Variants in MON2 observed in about 807,000 individuals in gnomAD.
MON2 encodes MON2 regulator of endosome-to-Golgi trafficking.
Under a neutral mutation model 208.6 loss-of-function variants are expected in MON2, and 84 were observed. The ratio of observed to expected loss-of-function variants is 0.40; its 90% CI spans 0.34 to 0.48. The LOEUF (loss-of-function observed/expected upper bound fraction) is 0.48, where lower values mean the gene tolerates loss of function less well. Ranked by LOEUF, MON2 falls within the 20% of genes least tolerant of loss-of-function variation. The pLI, the probability that MON2 is intolerant of heterozygous loss-of-function variation, is 0.59. For missense variants in MON2, 1,611 were observed against 2,015.4 expected (o/e 0.80, Z 3.84); for synonymous variants, 660 against 694.0 (o/e 0.95, Z 0.77).
At chr12:62,532,747 T>A (rs2072715450) in intron 12 of MON2, 77 bp downstream of exon 12, 1 of 1,064,372 alleles carries the variant, frequency 9.4e-7, no homozygotes, top group East Asian at 2.6e-5. Flanking sequence ...TCTTTATAAA[T>A]CTTTCACCCT....
intron 2 of MON2, among the ~76,000 whole-genome samples, chr12:62,491,002 A>T (rs1212909063): frequency 6.6e-6 from 1 of 152,062 alleles, no homozygotes; most frequent in Non-Finnish European, 1.5e-5. Flanking sequence ...AGTTGATGGC[A>T]TCTTAGAATC....
intron 3 of MON2, among the ~76,000 whole-genome samples, chr12:62,494,594 G>A (rs1181107389): frequency 6.6e-6 from 1 of 152,182 alleles, no homozygotes; most frequent in Non-Finnish European, 1.5e-5. Flanking sequence ...TTAATTGAGT[G>A]TGCCAATGTG....
chr12:62,504,710 C>A (rs10877866), intron 7 of MON2, among the ~76,000 whole-genome samples: 1 of 152,128 alleles, frequency 6.6e-6, no homozygotes, highest in South Asian at 2.1e-4. Flanking sequence ...TTCACATATG[C>A]AATCAAAATT....
chr12:62,538,203 T>G (rs2073072964), intron 17 of MON2, 27 bp downstream of exon 17: 2 of 1,610,976 alleles, frequency 1.2e-6, no homozygotes, highest in Admixed American at 1.7e-5. Flanking sequence ...CTTACCCAAT[T>G]AGTGCATCCC....
At chr12:62,535,179 C>T (rs1303784679) in intron 13 of MON2, among the ~76,000 whole-genome samples, 1 of 152,144 alleles carries the variant, frequency 6.6e-6, no homozygotes, top group Non-Finnish European at 1.5e-5. Context: ...TCAAGACTTA[C>T]AACTACTTTT....
intron 8 of MON2, among the ~76,000 whole-genome samples, chr12:62,516,248 A>C (rs778621668): frequency 6.6e-6 from 1 of 152,132 alleles, no homozygotes; most frequent in Non-Finnish European, 1.5e-5. Flanking sequence ...GAGAGAGAGA[A>C]TAGAATGATG....
At chr12:62,471,502 G>A (rs2068788513) in intron 1 of MON2, among the ~76,000 whole-genome samples, 1 of 152,190 alleles carries the variant, frequency 6.6e-6, no homozygotes, top group Admixed American at 6.5e-5. Context: ...ATTATATTAA[G>A]ATTTATGTGT....
chr12:62,523,408 A>G (rs965780626), intron 8 of MON2, among the ~76,000 whole-genome samples: 8 of 152,192 alleles, frequency 5.3e-5, no homozygotes, highest in Admixed American at 2.6e-4. Context: ...AAGTTGAGCC[A>G]CCTGACTCCT....
At chr12:62,555,380 C>T (rs953950248) in intron 24 of MON2, among the ~76,000 whole-genome samples, 10 of 151,728 alleles carry the variant, frequency 6.6e-5, no homozygotes, top group East Asian at 1.9e-4. Flanking sequence ...GACTGGGTTT[C>T]GCCATGTTGC....
At chr12:62,515,683 C>T (rs1192076159) in intron 8 of MON2, among the ~76,000 whole-genome samples, 2 of 151,968 alleles carry the variant, frequency 1.3e-5, no homozygotes, top group East Asian at 1.9e-4. Flanking sequence ...GGTGTGGTGG[C>T]GCACACCTGT....
intron 7 of MON2, among the ~76,000 whole-genome samples, chr12:62,505,726 A>G (rs575345423): frequency 9.2e-6 from 1 of 108,888 alleles, no homozygotes; most frequent in Admixed American, 8.0e-5. Context: ...ACGAAAAATT[A>G]AAAAAAAAAA....
In MON2 at chr12:62,596,058, G is replaced by A. The variant is rs905381094; in HGVS notation, c.*3309G>A. On this transcript the variant is annotated 3_prime_UTR_variant, in exon 35 of 35. Coordinates refer to ENST00000393630, the MANE Select transcript of MON2 (RefSeq NM_015026.3). ...TGTCCTTTCTCAGTATAATTTTAAA[G>A]AGCATTTTGTTTTATTGTCACAATT... The A allele has an allele frequency of 2.6e-5, 4 of 152,140 alleles. No homozygotes were observed. Among genetic ancestry groups the A allele is most frequent in the African/African-American group, 9.7e-5 (4 of 41,442 alleles). The allele number at this position is 152,140 out of a possible 1,614,324, so 9.4% of individuals were successfully genotyped here.
intron 30 of MON2, among the ~76,000 whole-genome samples, chr12:62,574,003 C>T (rs2074691277): frequency 6.6e-6 from 1 of 152,148 alleles, no homozygotes; most frequent in Non-Finnish European, 1.5e-5. Flanking sequence ...ATTGGCTTGG[C>T]AACCAGACTA....
chr12:62,503,767 T>C (rs1027127911), intron 7 of MON2, among the ~76,000 whole-genome samples: 1 of 152,236 alleles, frequency 6.6e-6, no homozygotes, highest in Non-Finnish European at 1.5e-5. Context: ...GTACTTACTA[T>C]TCCTGGGCCT....
chr12:62,578,891 A>G (rs2074892971), intron 31 of MON2, among the ~76,000 whole-genome samples: 1 of 152,210 alleles, frequency 6.6e-6, no homozygotes, highest in South Asian at 2.1e-4. Flanking sequence ...GTTTTTAATC[A>G]GCTGTATATA....
intron 26 of MON2, among the ~76,000 whole-genome samples, chr12:62,564,178 G>A (rs555134622): frequency 6.6e-5 from 10 of 152,128 alleles, no homozygotes; most frequent in South Asian, 4.2e-4. Flanking sequence ...TAAAAGTTCC[G>A]TTATAGCTAA....
chr12:62,547,371 A>G (rs189264878), intron 22 of MON2, among the ~76,000 whole-genome samples: 46 of 152,314 alleles, frequency 3.0e-4, no homozygotes, highest in African/African-American at 1.1e-3. Context: ...TACTTATAAG[A>G]TACTTGAAAC....
intron 1 of MON2, among the ~76,000 whole-genome samples, chr12:62,482,116 C>G (rs1490323375): frequency 6.6e-6 from 1 of 152,222 alleles, no homozygotes; most frequent in Non-Finnish European, 1.5e-5. Flanking sequence ...TTTGTTGTCT[C>G]TGCTCTTTGT....
At chr12:62,572,588 A>G (rs981452848) in intron 30 of MON2, among the ~76,000 whole-genome samples, 1 of 152,056 alleles carries the variant, frequency 6.6e-6, no homozygotes, top group Non-Finnish European at 1.5e-5. Context: ...TGGGACCACA[A>G]GTGCACACCA....
Sources: allele counts gnomAD v4.1 joint callset (sites outside exome capture counted in the v4.1 genomes callset), GRCh38; gene constraint gnomAD v4.1.1; transcripts MANE v1.5; gene names NCBI Gene and HGNC (gene_info 2026-07-23, HGNC 2026-07-21).